The following GPAT3 variants were observed in gnomAD, a reference collection of about 807,000 sequenced individuals.
The protein encoded by GPAT3 is glycerol-3-phosphate acyltransferase 3, also known as 1-AGP acyltransferase 9.
A neutral mutation model predicts 58.8 loss-of-function variants in GPAT3; 53 were observed. That is an observed-to-expected ratio of 0.90 (90% CI 0.72 to 1.13). The LOEUF is 1.13. GPAT3 is among the 50% of genes most tolerant of loss of function. GPAT3 has a pLI of 0.00. For synonymous variants in GPAT3, 197 were observed against 187.4 expected, an observed-to-expected ratio of 1.05 and a Z score of -0.42; for missense variants, 511 against 527.6, an observed-to-expected ratio of 0.97 and a Z score of 0.31.
chr4:83,543,704 C>T (rs932873605), intron 1 of GPAT3, among the ~76,000 whole-genome samples: 1 of 151,814 alleles, frequency 6.6e-6, no homozygotes, highest in Admixed American at 6.6e-5. Context: ...AGTGCAGGTG[C>T]CCGATCTCTG....
intron 11 of GPAT3, among the ~76,000 whole-genome samples, chr4:83,602,777 A>G (rs1257435581): frequency 6.6e-6 from 1 of 152,178 alleles, no homozygotes; most frequent in Non-Finnish European, 1.5e-5. Context: ...TTATTTCTTT[A>G]GTTTCCTTAG....
chr4:83,551,827 T>TCTATCTATCTATCTAG (rs1724766576), intron 2 of GPAT3, among the ~76,000 whole-genome samples: 1 of 150,068 alleles, frequency 6.7e-6, no homozygotes. Flanking sequence ...TATCTATCTA[T>TCTATCTATCTATCTAG]CTATCTATCT....
chr4:83,542,686 T>A lies in GPAT3; in HGVS notation c.142-1850T>A, dbSNP rs1200769118. 2.0e-5 allele frequency among the ~76,000 whole-genome samples: 3 copies of A among 152,350 alleles called. No homozygotes were observed. The East Asian group carries it at 5.8e-4, about 29-fold the overall frequency. On this transcript the variant is annotated intron_variant, in intron 1 of 11. Transcript: ENST00000264409. ...TGAGCTTAGCAATAACTGAGGTTTT[T>A]GACTTGGCATATTAATAAATCTGTC...
At chr4:83,570,766 C>T (rs1725575976) in intron 2 of GPAT3, among the ~76,000 whole-genome samples, 1 of 151,970 alleles carries the variant, frequency 6.6e-6, no homozygotes, top group African/African-American at 2.4e-5. Flanking sequence ...AGCCACTGTG[C>T]CCAGCTTGGG....
chr4:83,561,814 A>G (rs1725136936), intron 2 of GPAT3, among the ~76,000 whole-genome samples: 1 of 150,646 alleles, frequency 6.6e-6, no homozygotes, highest in Non-Finnish European at 1.5e-5. Flanking sequence ...GGTAAAAAAA[A>G]AAAAAAGAGA....
At chr4:83,564,850 T>A (rs1230947596) in intron 2 of GPAT3, among the ~76,000 whole-genome samples, 7 of 152,060 alleles carry the variant, frequency 4.6e-5, no homozygotes, top group Non-Finnish European at 8.8e-5. Context: ...AATATTTTCT[T>A]TTTCTAACTT....
chr4:83,544,165 A>C lies in GPAT3; in HGVS notation c.142-371A>C, dbSNP rs896215010. 3.3e-5 allele frequency among the ~76,000 whole-genome samples: 5 copies of C among 152,210 alleles called. No individual in the cohort carries two copies. In the East Asian group the frequency reaches 5.8e-4, roughly 18 times the overall value. ...GATCTATTATCCTTGTTTTACAATG[A>C]GGAAACGGAGGCCTATAGGGAATAA... On this transcript the variant is annotated intron_variant, in intron 1 of 11. Transcript: ENST00000264409.
At chr4:83,548,698 A>G (rs776076672) in intron 2 of GPAT3, among the ~76,000 whole-genome samples, 24 of 151,966 alleles carry the variant, frequency 1.6e-4, no homozygotes, top group Non-Finnish European at 3.2e-4. Flanking sequence ...TGCAAGTCTT[A>G]CCCCATGCCC....
At chr4:83,536,962 T>G (rs1314011780) in intron 1 of GPAT3, among the ~76,000 whole-genome samples, 199 bp downstream of exon 1, 3 of 152,234 alleles carry the variant, frequency 2.0e-5, no homozygotes, top group Non-Finnish European at 4.4e-5. Context: ...GGATCTAGGC[T>G]GGAACCACTG....
intron 2 of GPAT3, among the ~76,000 whole-genome samples, chr4:83,563,245 T>C (rs1725246451): frequency 6.6e-6 from 1 of 152,226 alleles, no homozygotes; most frequent in Non-Finnish European, 1.5e-5. Flanking sequence ...ATTTGGGTTT[T>C]ACTCATCGTT....
chr4:83,562,212 T>TATATATATATA (rs1725180565), intron 2 of GPAT3, among the ~76,000 whole-genome samples: 6 of 11,360 alleles, frequency 5.3e-4, no homozygotes, highest in South Asian at 1.8e-3. Flanking sequence ...ATATATATAT[T>TATATATATATA]ATATATATAT....
At position 83,536,736 on chromosome 4, in the gene GPAT3, C is replaced by T. The variant is rs1186187581; in HGVS notation, c.114C>T (p.Tyr38=). 6.2e-7 allele frequency: 1 copy of T among 1,612,754 alleles called. No homozygotes were observed. The highest frequency in any genetic ancestry group is 8.5e-7 in the Non-Finnish European group (1 of 1,179,768). The part of the protein sequence containing the change: ...FGVSLGISEI[Y]MKILVKTLEW... ...TGTCTCTGGGCATCTCCGAGATCTA[C>T]ATGAAGATCCTAGTGAAAACTTTAG... The change falls in exon 1 of 12, where the codon TAC becomes TAT. Residue 38 remains tyrosine, a synonymous_variant. Coordinates refer to ENST00000264409, the MANE Select transcript of GPAT3 (RefSeq NM_032717.5).
At chr4:83,535,783 T>G (rs1724053773), upstream of GPAT3, 1 of 985,368 alleles carries the variant, frequency 1.0e-6, no homozygotes, top group Non-Finnish European at 1.2e-6. Flanking sequence ...GGCTGCGTGG[T>G]GCGCTCTGCG....
chr4:83,604,262 G>T (rs1254448115), intron 11 of GPAT3, among the ~76,000 whole-genome samples: 1 of 152,038 alleles, frequency 6.6e-6, no homozygotes, highest in African/African-American at 2.4e-5. Flanking sequence ...GTAGAGACAG[G>T]GTTTCACTAT....
At chr4:83,589,253 T>G (rs1726499874) in intron 5 of GPAT3, among the ~76,000 whole-genome samples, 1 of 152,216 alleles carries the variant, frequency 6.6e-6, no homozygotes, top group Non-Finnish European at 1.5e-5. Context: ...GCTAAATAAT[T>G]GTGTATTTGG....
At position 83,581,794 on chromosome 4, in the gene GPAT3, G is replaced by A. The variant is rs754758079; in HGVS notation, c.441G>A (p.Leu147=). 1 of 1,614,060 alleles carries A rather than the reference G, an allele frequency of 6.2e-7. No individual in the cohort carries two copies. Among genetic ancestry groups the A allele is most frequent in the South Asian group, 1.1e-5 (1 of 91,078 alleles). Residue 147 remains leucine (L), a synonymous_variant, in exon 3 of 12, where the codon CTG becomes CTA. Transcript: ENST00000264409. ...ISLRLTMVWV[L]GVIVRYCVLL... Reference sequence around the variant, plus strand: ...TGCGGCTCACTATGGTGTGGGTGCTGGGCGTCATAGTGCGCTATTGTGTCC... The same window carrying A: ...TGCGGCTCACTATGGTGTGGGTGCTAGGCGTCATAGTGCGCTATTGTGTCC...
chr4:83,600,891 A>G (rs1480031684), intron 11 of GPAT3, among the ~76,000 whole-genome samples: 1 of 151,954 alleles, frequency 6.6e-6, no homozygotes, highest in African/African-American at 2.4e-5. Flanking sequence ...CAGTTAATAA[A>G]CTCCCTGCTG....
Position 83,598,062 on chromosome 4 carries a change from G to A in GPAT3, c.1008G>A (p.Gln336=). ...TTCTTTTTTCTCAGTATAACCCTCA[G>A]TTCGGTGATGCATTTTGGAACAGTA... ...IHPVAIKYNP[Q]FGDAFWNSSK... The change falls in exon 10 of 12, where the codon CAG becomes CAA. Residue 336 remains glutamine, a synonymous_variant. Transcript: ENST00000264409. 1 of 1,613,526 alleles carries A rather than the reference G, an allele frequency of 6.2e-7. No homozygotes were observed. Among genetic ancestry groups the A allele is most frequent in the South Asian group, 1.1e-5 (1 of 91,016 alleles).
Position 83,604,714 on chromosome 4 carries a change from G to A in GPAT3, c.1252G>A (p.Glu418Lys), listed in dbSNP as rs1727192080. Reference protein sequence around the residue: ...RAKVKDIFKEEQQKNYSKMIV... With the variant: ...RAKVKDIFKEKQQKNYSKMIV... ...AAAGGTGAAGGACATCTTTAAGGAA[G>A]AGCAGCAGAAAAATTACAGCAAGAT... The change falls in exon 12 of 12, where the codon GAG (glutamate) becomes AAG (lysine). Residue 418 changes from glutamate (E) to lysine (K), a missense_variant. Glu to Lys is a moderately conservative substitution (Grantham distance 56). Coordinates refer to ENST00000264409, the MANE Select transcript of GPAT3 (RefSeq NM_032717.5). 1 of 1,613,996 alleles carries A rather than the reference G, an allele frequency of 6.2e-7. No individual in the cohort carries two copies. The highest frequency in any genetic ancestry group is 8.5e-7 in the Non-Finnish European group (1 of 1,179,964).
Sources: gnomAD v4.1 joint callset for allele counts (sites outside exome capture counted in the v4.1 genomes callset) on GRCh38, gnomAD v4.1.1 for gene constraint, MANE v1.5 for transcripts, NCBI Gene and HGNC (gene_info 2026-07-23, HGNC 2026-07-21) for gene names.